Variants in SRPRB observed in about 807,000 individuals in gnomAD.
SRPRB encodes signal recognition particle receptor subunit beta.
In SRPRB, 20 loss-of-function variants were observed where a neutral mutation model predicts 31.9. The ratio of observed to expected loss-of-function variants is 0.63; its 90% CI spans 0.44 to 0.91. The LOEUF is 0.91. Among genes scored for constraint, SRPRB ranks in the 40% least tolerant of loss-of-function variants. The pLI, the probability that SRPRB is intolerant of heterozygous loss-of-function variation, is 0.00. For missense variants in SRPRB, 321 were observed against 324.9 expected (o/e 0.99, Z 0.09); for synonymous variants, 146 against 132.8 (o/e 1.10, Z -0.68).
At chr3:133,801,097 A>G (rs1935054614), upstream of SRPRB, among the ~76,000 whole-genome samples, 1 of 152,228 alleles carries the variant, frequency 6.6e-6, no homozygotes, top group Non-Finnish European at 1.5e-5. Context: ...ACAAAGCCAT[A>G]GCAGGGGAAT....
chr3:133,828,551 A>T (rs1177830796), downstream of SRPRB: 2 of 511,612 alleles, frequency 3.9e-6, no homozygotes, highest in Non-Finnish European at 6.8e-6. Context: ...CAATCTTAAT[A>T]AAGTACAATA....
At chr3:133,807,993 A>G (rs1180522929) in intron 3 of SRPRB, among the ~76,000 whole-genome samples, 170 bp downstream of exon 3, 1 of 152,210 alleles carries the variant, frequency 6.6e-6, no homozygotes, top group Non-Finnish European at 1.5e-5. Flanking sequence ...TGTACAGTAG[A>G]TTTAATCATG....
upstream of SRPRB, among the ~76,000 whole-genome samples, chr3:133,803,490 A>T (rs13079426): frequency 2.6e-5 from 4 of 151,996 alleles, no homozygotes; most frequent in Admixed American, 2.6e-4. Flanking sequence ...ACTAACAGCC[A>T]ACATTGTTTA....
chr3:133,794,042 C>A (rs1027813485), intron 1 of SRPRB: 4 of 152,136 alleles, frequency 2.6e-5, no homozygotes, highest in African/African-American at 4.8e-5. Context: ...TCATTTAAAT[C>A]AAATTACCTA....
chr3:133,803,175 G>A (rs1342668324), upstream of SRPRB, among the ~76,000 whole-genome samples: 2 of 151,986 alleles, frequency 1.3e-5, no homozygotes, highest in Non-Finnish European at 2.9e-5. Flanking sequence ...CTCTCTGTCT[G>A]AAGTTTTTTT....
At chr3:133,823,450 AC>A (rs2107979665), downstream of SRPRB, among the ~76,000 whole-genome samples, 1 of 152,226 alleles carries the variant, frequency 6.6e-6, no homozygotes, top group South Asian at 2.1e-4. Context: ...ATGAGGTTTC[AC>A]CATGTTGGCC....
chr3:133,806,059 G>A, intron 1 of SRPRB, 57 bp downstream of exon 1: 6 of 1,576,216 alleles, frequency 3.8e-6, no homozygotes, highest in African/African-American at 2.7e-5. Context: ...CCGGGCTTTG[G>A]CTGCACCGCT....
chr3:133,827,586 C>A (rs1226908590), downstream of SRPRB: 4 of 350,898 alleles, frequency 1.1e-5, no homozygotes, highest in African/African-American at 2.1e-5. Context: ...ACAGCGCAGC[C>A]ACAGTAGCCA....
At chr3:133,803,704 G>C (rs1313862039), upstream of SRPRB, among the ~76,000 whole-genome samples, 1 of 148,474 alleles carries the variant, frequency 6.7e-6, no homozygotes, top group Non-Finnish European at 1.5e-5. Context: ...TTGCTCTGTT[G>C]CCCAGGCTGG....
chr3:133,789,879 G>GGTTT (rs1934785811), intron 1 of SRPRB: 1 of 88,982 alleles, frequency 1.1e-5, no homozygotes, highest in Non-Finnish European at 2.0e-5. Context: ...TCTCGTTTGC[G>GGTTT]TTTTTTTTTT....
downstream of SRPRB, chr3:133,826,064 C>T (rs1404336511): frequency 6.6e-6 from 1 of 152,240 alleles, no homozygotes; most frequent in Non-Finnish European, 1.5e-5. Context: ...AGGGAACCAA[C>T]AACTTCTGAA....
At chr3:133,796,735 T>A (rs371454484) in intron 1 of SRPRB, 1 of 152,192 alleles carries the variant, frequency 6.6e-6, no homozygotes, top group African/African-American at 2.4e-5. Context: ...ACTGGACATA[T>A]AGTGGACAAA....
chr3:133,799,028 G>A (rs1427187748), intron 1 of SRPRB, among the ~76,000 whole-genome samples: 2 of 151,964 alleles, frequency 1.3e-5, no homozygotes, highest in Non-Finnish European at 2.9e-5. Context: ...ATGAGAACAT[G>A]CACTTTTTTA....
chr3:133,788,823 T>G (rs1033442595), intron 1 of SRPRB: 2 of 152,244 alleles, frequency 1.3e-5, no homozygotes, highest in South Asian at 4.1e-4. Flanking sequence ...TGAACTTGCA[T>G]GTGTTTCAGG....
intron 4 of SRPRB, among the ~76,000 whole-genome samples, chr3:133,814,681 T>C (rs1576384419): frequency 6.8e-6 from 1 of 147,502 alleles, no homozygotes; most frequent in African/African-American, 2.5e-5. Context: ...TCAAGTGATC[T>C]GCCTGTCTCG....
intron 6 of SRPRB, among the ~76,000 whole-genome samples, chr3:133,818,616 T>C (rs1935407556): frequency 6.6e-6 from 1 of 152,180 alleles, no homozygotes; most frequent in Non-Finnish European, 1.5e-5. Flanking sequence ...TTGTAAAATA[T>C]CTTACTTATA....
At chr3:133,815,039 ATG>A (rs1935342400) in intron 4 of SRPRB, among the ~76,000 whole-genome samples, 1 of 152,142 alleles carries the variant, frequency 6.6e-6, no homozygotes, top group African/African-American at 2.4e-5. Flanking sequence ...TCCCCAGGGA[ATG>A]TGTTTCACGT....
chr3:133,827,973 T>C (rs1050822432), downstream of SRPRB: 3 of 702,478 alleles, frequency 4.3e-6, no homozygotes, highest in Admixed American at 2.0e-5. Context: ...GCAGCTGCAA[T>C]TGCCAACAGC....
intron 1 of SRPRB, chr3:133,784,363 C>G (rs1325298146): frequency 1.3e-5 from 2 of 151,806 alleles, no homozygotes; most frequent in African/African-American, 4.8e-5. Flanking sequence ...CCCCCCCAGC[C>G]TTTTAAAAGA....
Sources: gnomAD v4.1 joint callset for allele counts (sites outside exome capture counted in the v4.1 genomes callset) on GRCh38, gnomAD v4.1.1 for gene constraint, MANE v1.5 for transcripts, NCBI Gene and HGNC (gene_info 2026-07-23, HGNC 2026-07-21) for gene names.